The following RASL11A variants were observed in gnomAD, a reference collection of about 807,000 sequenced individuals.
RASL11A encodes the protein ras-like protein family member 11A.
In RASL11A, 14 loss-of-function variants were observed where a neutral mutation model predicts 17.1. The ratio of observed to expected loss-of-function variants is 0.82; its 90% confidence interval spans 0.54 to 1.28. The LOEUF (loss-of-function observed/expected upper bound fraction) is 1.28. Ranked by LOEUF, RASL11A falls within the 50% of genes most tolerant of loss-of-function variation. The probability of loss-of-function intolerance (pLI) is 0.00; values close to 1 mark genes in which losing one functional copy is unlikely to be tolerated. For missense variants in RASL11A, 283 were observed against 312.3 expected (o/e 0.91, Z 0.71); for synonymous variants, 146 against 132.5 (o/e 1.10, Z -0.70).
intron 1 of RASL11A, 64 bp from the exon 2 acceptor site, chr13:27,271,420 C>A: frequency 1.3e-6 from 2 of 1,598,200 alleles, no homozygotes; most frequent in Non-Finnish European, 1.7e-6. Flanking sequence ...CCAGTTTGTC[C>A]GAGGTGCCTG....
At chr13:27,272,480 T>C (rs1882326236) in intron 3 of RASL11A, among the ~76,000 whole-genome samples, 1 of 152,132 alleles carries the variant, frequency 6.6e-6, no homozygotes, top group Admixed American at 6.5e-5. Context: ...CTCAAGTCAG[T>C]AATTGCAATC....
chr13:27,271,285 T>C (rs1882275659), intron 1 of RASL11A, 199 bp from the exon 2 acceptor site: 1 of 1,447,872 alleles, frequency 6.9e-7, no homozygotes, highest in Admixed American at 2.7e-5. Context: ...GATTGGCGCC[T>C]GTTCGGGGAT....
rs1882271880 is a variant in RASL11A, at chr13:27,271,208, G to GGTCCCGGTCC, written c.124+148_124+157dup. On this transcript the variant is annotated intron_variant, in intron 1 of 3. Coordinates refer to ENST00000241463, the MANE Select transcript of RASL11A (RefSeq NM_206827.2). ...AATCGGGCTGCTTTCGCGCTGGGTG[G>GGTCCCGGTCC]GTCCCGGTCCGTCCCGGCCTGCTTC... 4 of 1,452,152 alleles carry GGTCCCGGTCC rather than the reference G, an allele frequency of 2.8e-6. No homozygotes were observed. The South Asian group carries it at 4.4e-5, about 16-fold the overall frequency. 90.0% of individuals were successfully genotyped at this position (1,452,152 alleles called of 1,614,324 possible).
rs1176406364 is a variant in RASL11A, at chr13:27,271,481, C to T, written c.125-3C>T. ...TCGGTTGATTTTCCTATTTCCTTTTCAGCAATGATCGTGCGCTTCCTGACC... is the reference window on the plus strand; with the variant it reads ...TCGGTTGATTTTCCTATTTCCTTTTTAGCAATGATCGTGCGCTTCCTGACC... On this transcript the variant is annotated splice_polypyrimidine_tract_variant and splice_region_variant and intron_variant, in intron 1 of 3. Coordinates refer to ENST00000241463, the MANE Select transcript of RASL11A (RefSeq NM_206827.2). 6.2e-7 allele frequency: 1 copy of T among 1,614,100 alleles called. No individual in the cohort carries two copies. The highest frequency in any genetic ancestry group is 2.2e-5 in the East Asian group (1 of 44,902).
chr13:27,273,220 T>G lies in RASL11A; in HGVS notation c.455T>G (p.Leu152Trp). The change falls in exon 4 of 4, where the codon TTG (leucine) becomes TGG (tryptophan). Residue 152 changes from leucine to tryptophan, a missense_variant. Physicochemically the swap from Leu to Trp is moderately conservative, Grantham distance 61. Coordinates refer to ENST00000241463, the MANE Select transcript of RASL11A (RefSeq NM_206827.2). Reference sequence around the variant, plus strand: ...ATCGTGGGCAACAAGGGGGACCTTTTGCATGCCCGGCAGGTGCAGACACAG... The same window carrying G: ...ATCGTGGGCAACAAGGGGGACCTTTGGCATGCCCGGCAGGTGCAGACACAG... ...VIIVGNKGDL[L>W]HARQVQTQDG... 2 of 1,614,218 alleles carry G rather than the reference T, an allele frequency of 1.2e-6. No homozygotes were observed. Among genetic ancestry groups the G allele is most frequent in the Non-Finnish European group, 8.5e-7 (1 of 1,180,034 alleles).
Position 27,272,983 on chromosome 13 carries a change from A to G in RASL11A, c.262-44A>G, listed in dbSNP as rs1319034605. On this transcript the variant is annotated intron_variant, in intron 3 of 3. Transcript: ENST00000241463. ...TGATGTTGTTTTGAGTTTATCTCCCACTGAGGGTTTCCTTGACTGGATCTC... is the reference window on the plus strand; with the variant it reads ...TGATGTTGTTTTGAGTTTATCTCCCGCTGAGGGTTTCCTTGACTGGATCTC... 6 of 1,524,642 alleles carry G rather than the reference A, an allele frequency of 3.9e-6. No individual in the cohort carries two copies. The East Asian group carries it at 1.4e-4, about 34-fold the overall frequency. 94.4% of individuals were successfully genotyped at this position (1,524,642 alleles called of 1,614,324 possible). A position where few individuals can be genotyped will look rare whatever the true frequency, so the allele number is the denominator to read the frequency against.
rs550826534 is a variant in RASL11A at position 27,271,420 on chromosome 13, C to T, written c.125-64C>T. 1.5e-4 allele frequency: 241 copies of T among 1,598,202 alleles called. No individual in the cohort carries two copies. The Middle Eastern group carries it at 1.7e-3, about 11-fold the overall frequency. ...CACCCTTCACTCCCCCCAGTTTGTCCGAGGTGCCTGGGTTTGACAGGCTTG... is the reference window on the plus strand; with the variant it reads ...CACCCTTCACTCCCCCCAGTTTGTCTGAGGTGCCTGGGTTTGACAGGCTTG... On this transcript the variant is annotated intron_variant, in intron 1 of 3. Coordinates refer to ENST00000241463, the MANE Select transcript of RASL11A (RefSeq NM_206827.2).
In RASL11A at chr13:27,275,071, T is replaced by A. The variant is rs1391102437; in HGVS notation, c.*1577T>A. 1.3e-5 allele frequency among the ~76,000 whole-genome samples: 2 copies of A among 152,212 alleles called. No homozygotes were observed. The highest frequency in any genetic ancestry group is 4.8e-5 in the African/African-American group (2 of 41,452). On this transcript the variant is annotated 3_prime_UTR_variant, in exon 4 of 4. Transcript: ENST00000241463. ...CAGACCTGTGATGTCAGCACCACTT[T>A]TCCCTGTAGTTGAAGGGAGTCTACC... is the stretch of plus-strand genomic sequence containing the variant.
Position 27,272,990 on chromosome 13 carries a change from G to A in RASL11A, c.262-37G>A, listed in dbSNP as rs1039674897. ...GTTTTGAGTTTATCTCCCACTGAGG[G>A]TTTCCTTGACTGGATCTCATTTTGA... On this transcript the variant is annotated intron_variant, in intron 3 of 3. Transcript: ENST00000241463. 6.4e-6 allele frequency: 10 copies of A among 1,564,588 alleles called. No homozygotes were observed. In the Admixed American group the frequency reaches 1.2e-4, roughly 18 times the overall value.
rs1446815315 is a variant in RASL11A at position 27,270,912 on chromosome 13, TCGGATTGCGCGCCGGACCC to T, written c.-29_-11del. 1 of 1,563,838 alleles carries T rather than the reference TCGGATTGCGCGCCGGACCC, an allele frequency of 6.4e-7. No homozygotes were observed. The highest frequency in any genetic ancestry group is 1.2e-5 in the South Asian group (1 of 84,758). ...CCGGGTGCGGCGAGGCCCAGCCCTC[TCGGATTGCGCGCCGGACCC>T]CGGGACGCGCTCCATGCGGCCGCTC... On this transcript the variant is annotated 5_prime_UTR_variant, in exon 1 of 4. Coordinates refer to ENST00000241463, the MANE Select transcript of RASL11A (RefSeq NM_206827.2).
chr13:27,270,861 C>A lies in RASL11A; in HGVS notation c.-84C>A. ...CCGCCGCGGTCCCGGACCTCTAGTCCCGCACTCCCAGCTGGCGAGCCGGCT... is the reference window on the plus strand; with the variant it reads ...CCGCCGCGGTCCCGGACCTCTAGTCACGCACTCCCAGCTGGCGAGCCGGCT... On this transcript the variant is annotated 5_prime_UTR_variant, in exon 1 of 4. Transcript: ENST00000241463. 6.6e-7 allele frequency: 1 copy of A among 1,517,548 alleles called. No individual in the cohort carries two copies. Among genetic ancestry groups the A allele is most frequent in the Non-Finnish European group, 8.9e-7 (1 of 1,128,932 alleles). 94.0% of individuals were successfully genotyped at this position (1,517,548 alleles called of 1,614,324 possible). A position where few individuals can be genotyped will look rare whatever the true frequency, so the allele number is the denominator to read the frequency against.
In RASL11A at chr13:27,273,203, C is replaced by A. The variant is rs199574980; in HGVS notation, c.438C>A (p.Gly146=). 2 of 1,614,204 alleles carry A rather than the reference C, an allele frequency of 1.2e-6. No individual in the cohort carries two copies. The highest frequency in any genetic ancestry group is 1.7e-6 in the Non-Finnish European group (2 of 1,180,040). ...PDSKAPVIIV[G]NKGDLLHARQ... ...CTAAAGCCCCTGTCATCATCGTGGG[C>A]AACAAGGGGGACCTTTTGCATGCCC... Residue 146 remains glycine (G), a synonymous_variant, in exon 4 of 4, where the codon GGC becomes GGA. Coordinates refer to ENST00000241463, the MANE Select transcript of RASL11A (RefSeq NM_206827.2).
Position 27,273,375 on chromosome 13 carries a change from G to T in RASL11A, c.610G>T (p.Gly204Trp). Reference protein sequence around the residue: ...KEVSKMHGLSGERRRASIIPR... With the variant: ...KEVSKMHGLSWERRRASIIPR... ...AGTGAGCAAGATGCACGGCCTCAGT[G>T]GGGAAAGAAGAAGAGCCTCCATCAT... Residue 204 changes from glycine to tryptophan, a missense_variant, in exon 4 of 4, where the codon GGG becomes TGG. By Grantham distance (184) the Gly-to-Trp change is radical (BLOSUM62 -2). Transcript: ENST00000241463. 1 of 1,614,198 alleles carries T rather than the reference G, an allele frequency of 6.2e-7. No individual in the cohort carries two copies. Among genetic ancestry groups the T allele is most frequent in the African/African-American group, 1.3e-5 (1 of 75,054 alleles).
At position 27,273,423 on chromosome 13, in the gene RASL11A, A is replaced by C. The variant is rs751389244; in HGVS notation, c.658A>C (p.Met220Leu). The C allele has an allele frequency of 6.2e-7, 1 of 1,614,064 alleles. No individual in the cohort carries two copies. Among genetic ancestry groups the C allele is most frequent in the Non-Finnish European group, 8.5e-7 (1 of 1,180,030 alleles). Reference protein sequence around the residue: ...SIIPRPRSPNMQDLKRRFKQA... With the variant: ...SIIPRPRSPNLQDLKRRFKQA... ...CATCCCTCGGCCCCGCTCTCCCAACATGCAGGACCTGAAGAGACGCTTCAA... is the reference window on the plus strand; with the variant it reads ...CATCCCTCGGCCCCGCTCTCCCAACCTGCAGGACCTGAAGAGACGCTTCAA... Residue 220 changes from methionine to leucine, a missense_variant, in exon 4 of 4, where the codon ATG (methionine) becomes CTG (leucine). Physicochemically the swap from Met to Leu is conservative, Grantham distance 15 (BLOSUM62 2). Coordinates refer to ENST00000241463, the MANE Select transcript of RASL11A (RefSeq NM_206827.2).
chr13:27,271,488 G>T lies in RASL11A; in HGVS notation c.129G>T (p.Met43Ile), dbSNP rs775124920. 73 of 1,614,120 alleles carry T rather than the reference G, an allele frequency of 4.5e-5. No individual in the cohort carries two copies. The highest frequency in any genetic ancestry group is 6.0e-5 in the Non-Finnish European group (71 of 1,180,046). Residue 43 changes from methionine (M) to isoleucine (I), a missense_variant, in exon 2 of 4, where the codon ATG becomes ATT. By Grantham distance (10) the Met-to-Ile change is conservative. Coordinates refer to ENST00000241463, the MANE Select transcript of RASL11A (RefSeq NM_206827.2). Reference protein sequence around the residue: ...LGAGRVGKSAMIVRFLTKRFI... With the variant: ...LGAGRVGKSAIIVRFLTKRFI... ...ATTTTCCTATTTCCTTTTCAGCAATGATCGTGCGCTTCCTGACCAAGAGAT... is the reference window on the plus strand; with the variant it reads ...ATTTTCCTATTTCCTTTTCAGCAATTATCGTGCGCTTCCTGACCAAGAGAT...
chr13:27,271,047 G>C lies in RASL11A; in HGVS notation c.103G>C (p.Ala35Pro). The change falls in exon 1 of 4, where the codon GCC becomes CCC. Residue 35 changes from alanine to proline, a missense_variant. Ala to Pro is a conservative substitution (Grantham distance 27, BLOSUM62 -1). Coordinates refer to ENST00000241463, the MANE Select transcript of RASL11A (RefSeq NM_206827.2). ...PKDIKLAVLG[A>P]GRVGKSAMIV... ...GGACATCAAACTGGCGGTGCTGGGC[G>C]CCGGCCGCGTGGGCAAGAGCGGTGA... 1 of 1,578,888 alleles carries C rather than the reference G, an allele frequency of 6.3e-7. No homozygotes were observed. Among genetic ancestry groups the C allele is most frequent in the Non-Finnish European group, 8.6e-7 (1 of 1,162,302 alleles).
At chr13:27,272,857 C>T (rs920599020) in intron 3 of RASL11A, among the ~76,000 whole-genome samples, 170 bp from the exon 4 acceptor site, 14 of 152,154 alleles carry the variant, frequency 9.2e-5, no homozygotes, top group African/African-American at 2.7e-4. Flanking sequence ...GCCTGGGAAT[C>T]TGTTCTTTCC....
At chr13:27,271,251 C>T in intron 1 of RASL11A, 183 bp downstream of exon 1, 15 of 1,446,540 alleles carry the variant, frequency 1.0e-5, no homozygotes, top group Non-Finnish European at 1.4e-5. Flanking sequence ...TTTCCTGGTG[C>T]ATCTACTCCT....
Position 27,270,965 on chromosome 13 carries a change from C to T in RASL11A, c.21C>T (p.Ser7=). The T allele has an allele frequency of 1.3e-6, 2 of 1,597,052 alleles. No individual in the cohort carries two copies. Among genetic ancestry groups the T allele is most frequent in the Admixed American group, 1.7e-5 (1 of 58,538 alleles). Residue 7 remains serine (S), a synonymous_variant, in exon 1 of 4, where the codon TCC becomes TCT. Transcript: ENST00000241463. The part of the protein sequence containing the change: MRPLSM[S]GHFLLAPIPE... ...GCTCCATGCGGCCGCTCAGCATGTC[C>T]GGGCACTTTCTGCTCGCACCCATCC...
Sources: gnomAD v4.1 joint callset for allele counts (sites outside exome capture counted in the v4.1 genomes callset) on GRCh38, gnomAD v4.1.1 for gene constraint, MANE v1.5 for transcripts, NCBI Gene and HGNC (gene_info 2026-07-23, HGNC 2026-07-21) for gene names.